The following RBM20 variants were observed in gnomAD, a reference collection of about 807,000 sequenced individuals.
RBM20 encodes RNA binding motif protein 20, also known as RNA-binding protein 20.
In RBM20, 51 loss-of-function variants were observed where a neutral mutation model predicts 110.1. The observed-to-expected ratio is 0.46, with a 90% CI of 0.37 to 0.59. RBM20 has a LOEUF of 0.59. Among genes scored for constraint, RBM20 ranks in the 20% least tolerant of loss-of-function variants. RBM20 has a pLI of 0.00. For synonymous variants in RBM20, 589 were observed against 618.2 expected (o/e 0.95, Z 0.70); for missense variants, 1,512 against 1,574.9 (o/e 0.96, Z 0.68).
intron 5 of RBM20, among the ~76,000 whole-genome samples, chr10:110,791,937 C>A (rs543962009): frequency 1.3e-4 from 20 of 152,300 alleles, no homozygotes; most frequent in Admixed American, 4.6e-4. Flanking sequence ...GCAGACAGAG[C>A]CCATCAACAC....
chr10:110,833,952 A>G (rs1590709276), intron 13 of RBM20, among the ~76,000 whole-genome samples: 1 of 152,268 alleles, frequency 6.6e-6, no homozygotes, highest in South Asian at 2.1e-4. Context: ...CACTTAAATC[A>G]GGCAACTTTT....
intron 1 of RBM20, among the ~76,000 whole-genome samples, chr10:110,753,127 C>T (rs1324415548): frequency 6.6e-6 from 1 of 151,150 alleles, no homozygotes; most frequent in African/African-American, 2.4e-5. Context: ...TTAGTAGAGA[C>T]GGGGTTTCAC....
chr10:110,766,096 G>A (rs961012943), intron 1 of RBM20, among the ~76,000 whole-genome samples: 1 of 151,234 alleles, frequency 6.6e-6, no homozygotes, highest in African/African-American at 2.4e-5. Context: ...GAAAGTGCTG[G>A]AGAGCAGTTT....
intron 1 of RBM20, among the ~76,000 whole-genome samples, chr10:110,682,606 T>C (rs1862438826): frequency 6.6e-6 from 1 of 152,236 alleles, no homozygotes. Context: ...GATTTGAGTT[T>C]GCCTGATGTG....
chr10:110,762,052 C>T (rs1393540534), intron 1 of RBM20, among the ~76,000 whole-genome samples: 1 of 152,230 alleles, frequency 6.6e-6, no homozygotes, highest in Admixed American at 6.5e-5. Context: ...ACTAAAAATA[C>T]ACCTTGTGTA....
chr10:110,715,898 T>G (rs2134921645), intron 1 of RBM20, among the ~76,000 whole-genome samples: 1 of 152,152 alleles, frequency 6.6e-6, no homozygotes, highest in East Asian at 1.9e-4. Context: ...GGTCCCCACT[T>G]AACTACAAGG....
intron 1 of RBM20, among the ~76,000 whole-genome samples, chr10:110,728,884 T>A (rs2134947328): frequency 6.6e-6 from 1 of 152,320 alleles, no homozygotes; most frequent in South Asian, 2.1e-4. Context: ...CTGCTCTGTT[T>A]ATGCACACAG....
intron 7 of RBM20, among the ~76,000 whole-genome samples, chr10:110,805,722 G>A (rs541574163): frequency 6.6e-6 from 1 of 152,198 alleles, no homozygotes; most frequent in Non-Finnish European, 1.5e-5. Flanking sequence ...TAGTGGTGGT[G>A]CCTCCCTCTT....
At chr10:110,760,725 G>A (rs1843987045) in intron 1 of RBM20, among the ~76,000 whole-genome samples, 1 of 150,210 alleles carries the variant, frequency 6.7e-6, no homozygotes, top group African/African-American at 2.4e-5. Flanking sequence ...ACAGGTGTGA[G>A]CCACTGCACC....
chr10:110,688,008 T>C, intron 1 of RBM20, among the ~76,000 whole-genome samples: 1 of 101,520 alleles, frequency 9.9e-6, no homozygotes, highest in African/African-American at 3.2e-5. Context: ...TGTGTGTGTG[T>C]GTGTGTGTGT....
chr10:110,810,337 T>G, intron 7 of RBM20, 46 bp from the exon 8 acceptor site: 2 of 1,437,286 alleles, frequency 1.4e-6, no homozygotes, highest in East Asian at 2.5e-5. Context: ...CTCAGGTGTT[T>G]GCAAGGCCAT....
At chr10:110,723,250 T>C (rs943970489) in intron 1 of RBM20, among the ~76,000 whole-genome samples, 1 of 152,170 alleles carries the variant, frequency 6.6e-6, no homozygotes, top group African/African-American at 2.4e-5. Context: ...AACGGTTATA[T>C]ATTCACAGAG....
rs551851238 is a variant in RBM20 at position 110,690,193 on chromosome 10, G to A, written c.191+45548G>A. ...AGCTGAGGCTGGAGGATTGCTTGAC[G>A]CTGGGAGTTTTAGACCAGCCTGGGC... On this transcript the variant is annotated intron_variant, in intron 1 of 13. Coordinates refer to ENST00000369519, the MANE Select transcript of RBM20 (RefSeq NM_001134363.3). Among the ~76,000 whole-genome samples, 75 of 152,194 alleles carry A rather than the reference G, an allele frequency of 4.9e-4. 1 individual carries two copies. The South Asian group carries it at 9.6e-3, about 19-fold the overall frequency.
intron 13 of RBM20, among the ~76,000 whole-genome samples, chr10:110,834,322 G>A (rs982681661): frequency 6.6e-6 from 1 of 151,998 alleles, no homozygotes; most frequent in South Asian, 2.1e-4. Flanking sequence ...TCTTCTCCTA[G>A]TCAGGCTGCA....
At chr10:110,743,352 G>T (rs1278949039) in intron 1 of RBM20, among the ~76,000 whole-genome samples, 1 of 152,190 alleles carries the variant, frequency 6.6e-6, no homozygotes, top group Non-Finnish European at 1.5e-5. Flanking sequence ...GAGTTTTCAT[G>T]GGCTAACTGG....
In RBM20 at chr10:110,835,926, C is replaced by T. The variant is rs587782973; in HGVS notation, c.3632C>T (p.Pro1211Leu). ...GLKETEGADSPRPEDSGIVPR... is the reference protein window; with the variant it reads ...GLKETEGADSLRPEDSGIVPR... ...AAGGAGACCGAGGGGGCAGATAGCC[C>T]GAGGCCAGAGGACAGCGGAATCGTG... Residue 1211 changes from proline to leucine, a missense_variant, in exon 14 of 14, where the codon CCG (proline) becomes CTG (leucine). Physicochemically the swap from Pro to Leu is moderately conservative, Grantham distance 98. This residue lies in a region of RBM20 where 358 missense variants were observed against 384.2 expected (regional missense o/e 0.93). Coordinates refer to ENST00000369519, the MANE Select transcript of RBM20 (RefSeq NM_001134363.3). 15 of 1,502,392 alleles carry T rather than the reference C, an allele frequency of 1.0e-5. No individual in the cohort carries two copies. The highest frequency in any genetic ancestry group is 1.2e-5 in the South Asian group (1 of 82,828). The allele number at this position is 1,502,392 out of a possible 1,614,324, so 93.1% of individuals were successfully genotyped here.
intron 1 of RBM20, among the ~76,000 whole-genome samples, chr10:110,726,305 C>T (rs1261267605): frequency 1.3e-5 from 2 of 152,172 alleles, no homozygotes; most frequent in Admixed American, 6.5e-5. Context: ...AGCATCTCTA[C>T]AGCATCATAT....
chr10:110,764,720 A>T (rs969783413), intron 1 of RBM20, among the ~76,000 whole-genome samples: 6 of 152,136 alleles, frequency 3.9e-5, no homozygotes, highest in Non-Finnish European at 8.8e-5. Flanking sequence ...GTAGAATGTC[A>T]TTGGAATTTT....
chr10:110,829,909 G>C (rs1275863068), intron 12 of RBM20, among the ~76,000 whole-genome samples: 1 of 152,206 alleles, frequency 6.6e-6, no homozygotes, highest in Admixed American at 6.5e-5. Context: ...GCAGAAGAGA[G>C]GCTTGCCCCG....
Sources: gnomAD v4.1 joint callset for allele counts (sites outside exome capture counted in the v4.1 genomes callset) on GRCh38, gnomAD v4.1.1 for gene constraint, gnomAD v4.1.1 regional missense constraint, MANE v1.5 for transcripts, NCBI Gene and HGNC (gene_info 2026-07-23, HGNC 2026-07-21) for gene names.